The following MTR variants were observed in gnomAD, a reference collection of about 807,000 sequenced individuals.
MTR encodes methionine synthase.
Under a neutral mutation model 154.8 loss-of-function variants are expected in MTR, and 84 were observed. The observed-to-expected ratio is 0.54, with a 90% confidence interval of 0.45 to 0.65. The LOEUF (loss-of-function observed/expected upper bound fraction) is 0.65. Ranked by LOEUF, MTR falls within the 30% of genes least tolerant of loss-of-function variation. The pLI is 0.00. For synonymous variants in MTR, 554 were observed against 553.9 expected, an observed-to-expected ratio of 1.00 and a Z score of 0.00; for missense variants, 1,275 against 1,570.2, an observed-to-expected ratio of 0.81 and a Z score of 3.18.
intron 24 of MTR, among the ~76,000 whole-genome samples, chr1:236,876,254 T>C (rs548539184): frequency 5.5e-4 from 84 of 152,348 alleles, no homozygotes; most frequent in African/African-American, 1.9e-3. Context: ...GTATTATGTG[T>C]CTTTTATCCA....
At chr1:236,844,596 A>G (rs560590415) in intron 15 of MTR, among the ~76,000 whole-genome samples, 2 of 152,246 alleles carry the variant, frequency 1.3e-5, no homozygotes, top group South Asian at 4.1e-4. Flanking sequence ...TACATTTGCC[A>G]GAGCCATGAC....
At chr1:236,807,564 A>T (rs1250648897) in intron 3 of MTR, among the ~76,000 whole-genome samples, 2 of 152,226 alleles carry the variant, frequency 1.3e-5, no homozygotes, top group Non-Finnish European at 2.9e-5. Context: ...TTTTTTAAAT[A>T]GTAGTCATCC....
At chr1:236,849,619 G>A (rs1013391815) in intron 15 of MTR, among the ~76,000 whole-genome samples, 2 of 152,168 alleles carry the variant, frequency 1.3e-5, no homozygotes, top group African/African-American at 2.4e-5. Flanking sequence ...TAGGAGGTGC[G>A]GAGTAGAGGA....
At chr1:236,836,606 T>A (rs1324353851) in intron 14 of MTR, among the ~76,000 whole-genome samples, 1 of 152,230 alleles carries the variant, frequency 6.6e-6, no homozygotes, top group Non-Finnish European at 1.5e-5. Flanking sequence ...TTTTTCAGGT[T>A]GAGCTCTTGG....
In MTR at chr1:236,897,798, G is replaced by C. The variant is rs548095858; in HGVS notation, c.*154G>C. ...GAAGACTATTTAGTGGAACCTTGTA[G>C]AGGAGCAGGGTCTTCCTGCAGTGCC... On this transcript the variant is annotated 3_prime_UTR_variant, in exon 33 of 33. Coordinates refer to ENST00000366577, the MANE Select transcript of MTR (RefSeq NM_000254.3). 4.3e-6 allele frequency: 3 copies of C among 690,396 alleles called. No homozygotes were observed. Among genetic ancestry groups the C allele is most frequent in the Admixed American group, 2.6e-5 (1 of 38,940 alleles). The allele number at this position is 690,396 out of a possible 1,614,324, so 42.8% of individuals were successfully genotyped here. A position where few individuals can be genotyped will look rare whatever the true frequency, so the allele number is the denominator to read the frequency against.
intron 28 of MTR, 100 bp from the exon 29 acceptor site, chr1:236,891,033 G>C: frequency 7.6e-7 from 1 of 1,320,288 alleles, no homozygotes. Flanking sequence ...AGCCTGAAGA[G>C]GGAAGGTGAC....
intron 3 of MTR, among the ~76,000 whole-genome samples, chr1:236,807,346 G>A (rs1661042375): frequency 6.6e-6 from 1 of 152,084 alleles, no homozygotes; most frequent in Admixed American, 6.5e-5. Flanking sequence ...GCTAATTTTT[G>A]TATTTTTTGT....
At position 236,852,503 on chromosome 1, in the gene MTR, T is replaced by G; in HGVS notation, c.1696-18T>G. 2 of 1,587,984 alleles carry G rather than the reference T, an allele frequency of 1.3e-6. No individual in the cohort carries two copies. On this transcript the variant is annotated intron_variant, in intron 16 of 32. Transcript: ENST00000366577. ...GGCAAAAAAGGGGAATCTTTTCATA[T>G]TTTAAAATTTTTGCCAGGAAACATT...
chr1:236,829,073 A>G, intron 11 of MTR, 116 bp from the exon 12 acceptor site: 2 of 773,956 alleles, frequency 2.6e-6, no homozygotes, highest in Non-Finnish European at 4.4e-6. Flanking sequence ...ATATAATTAT[A>G]TGTATAGTTA....
chr1:236,847,010 C>T (rs1663616065), intron 15 of MTR, among the ~76,000 whole-genome samples: 1 of 152,164 alleles, frequency 6.6e-6, no homozygotes. Context: ...ACTCAGCCTC[C>T]CAAGTAGCTG....
At chr1:236,883,459 C>T (rs1358018547) in intron 25 of MTR, among the ~76,000 whole-genome samples, 2 of 152,132 alleles carry the variant, frequency 1.3e-5, no homozygotes, top group Non-Finnish European at 2.9e-5. Flanking sequence ...ATCAGGGGGT[C>T]GTAGATTCTC....
In MTR at chr1:236,897,866, AG is replaced by A; in HGVS notation, c.*223del. On this transcript the variant is annotated 3_prime_UTR_variant, in exon 33 of 33. Transcript: ENST00000366577. Reference sequence around the variant, plus strand: ...TTTTTTGGGACCTTGCGTGAAGAGCAGTGAGCAGGGTTCCTGTGGTTTCCCT... The same window carrying A: ...TTTTTTGGGACCTTGCGTGAAGAGCATGAGCAGGGTTCCTGTGGTTTCCCT... 1 of 569,140 alleles carries A rather than the reference AG, an allele frequency of 1.8e-6. No homozygotes were observed. Among genetic ancestry groups the A allele is most frequent in the Admixed American group, 3.1e-5 (1 of 32,420 alleles). 35.3% of individuals were successfully genotyped at this position (569,140 alleles called of 1,614,324 possible).
At position 236,825,379 on chromosome 1, in the gene MTR, A is replaced by G. The variant is rs1204270455; in HGVS notation, c.907A>G (p.Met303Val). Residue 303 changes from methionine to valine, a missense_variant, in exon 10 of 33, where the codon ATG (methionine) becomes GTG (valine). Met to Val is a conservative substitution (Grantham distance 21, BLOSUM62 1). Transcript: ENST00000366577. ...TGGTGACTATGATGAAACGCCTTCTATGATGGCCAAGCACCTAAAGGTCAG... is the reference window on the plus strand; with the variant it reads ...TGGTGACTATGATGAAACGCCTTCTGTGATGGCCAAGCACCTAAAGGTCAG... Reference protein sequence around the residue: ...TFGDYDETPSMMAKHLKDFAM... With the variant: ...TFGDYDETPSVMAKHLKDFAM... 6.2e-6 allele frequency: 10 copies of G among 1,613,610 alleles called. No homozygotes were observed. Among genetic ancestry groups the G allele is most frequent in the Non-Finnish European group, 8.5e-6 (10 of 1,179,662 alleles).
chr1:236,855,329 T>C (rs986032057), intron 18 of MTR, among the ~76,000 whole-genome samples: 3 of 152,164 alleles, frequency 2.0e-5, no homozygotes, highest in Admixed American at 6.5e-5. Context: ...TGGGATTTTT[T>C]TGAAAAACAA....
intron 9 of MTR, 90 bp downstream of exon 9, chr1:236,824,309 T>C: frequency 8.9e-7 from 1 of 1,123,912 alleles, no homozygotes; most frequent in Non-Finnish European, 1.4e-6. Context: ...TAAAAGATCT[T>C]GTTTTGCCGG....
chr1:236,815,695 T>TG (rs3054157), intron 7 of MTR, 32 bp downstream of exon 7: 3 of 1,601,556 alleles, frequency 1.9e-6, no homozygotes, highest in Non-Finnish European at 2.6e-6. Flanking sequence ...CAATACATTC[T>TG]TTTATTAATA....
intron 18 of MTR, among the ~76,000 whole-genome samples, chr1:236,856,842 C>G: frequency 6.6e-6 from 1 of 152,170 alleles, no homozygotes; most frequent in South Asian, 2.1e-4. Flanking sequence ...TCATCCATGT[C>G]CCTGCAAAGG....
At chr1:236,827,636 A>G (rs79274719) in intron 11 of MTR, among the ~76,000 whole-genome samples, 93 of 152,310 alleles carry the variant, frequency 6.1e-4, no homozygotes, top group African/African-American at 2.2e-3. Context: ...GACAACAGGT[A>G]TCTTGAGGTC....
chr1:236,833,618 G>A (rs920638909), intron 13 of MTR, among the ~76,000 whole-genome samples: 1 of 152,176 alleles, frequency 6.6e-6, no homozygotes, highest in Non-Finnish European at 1.5e-5. Context: ...AACAGGAAGG[G>A]ACAGGTGACT....
Sources: allele counts gnomAD v4.1 joint callset (sites outside exome capture counted in the v4.1 genomes callset), GRCh38; gene constraint gnomAD v4.1.1; transcripts MANE v1.5; gene names NCBI Gene and HGNC (gene_info 2026-07-23, HGNC 2026-07-21).